The following RBPMS variants were observed in gnomAD, a reference collection of about 807,000 sequenced individuals.
RBPMS encodes the protein RNA-binding protein with multiple splicing.
In RBPMS, 7 loss-of-function variants were observed where a neutral mutation model predicts 26.8. That is an observed-to-expected ratio of 0.26 (90% CI 0.15 to 0.49). The LOEUF (loss-of-function observed/expected upper bound fraction) is 0.49. RBPMS is among the 20% of genes least tolerant of loss of function. RBPMS has a pLI of 0.98. For synonymous variants in RBPMS, 96 were observed against 93.3 expected (o/e 1.03, Z -0.17); for missense variants, 186 against 250.0 (o/e 0.74, Z 1.73).
chr8:30,386,825 C>A (rs567343391), intron 1 of RBPMS, among the ~76,000 whole-genome samples: 1 of 152,218 alleles, frequency 6.6e-6, no homozygotes, highest in South Asian at 2.1e-4. Context: ...TTATATGAAA[C>A]CATCTTTCTT....
At chr8:30,387,765 C>T (rs1807283990) in intron 1 of RBPMS, among the ~76,000 whole-genome samples, 2 of 152,130 alleles carry the variant, frequency 1.3e-5, no homozygotes, top group African/African-American at 4.8e-5. Context: ...TTGTTTTTTT[C>T]TGTGTTTCTA....
intron 6 of RBPMS, among the ~76,000 whole-genome samples, chr8:30,551,111 G>A (rs1014231459): frequency 6.6e-6 from 1 of 152,132 alleles, no homozygotes; most frequent in African/African-American, 2.4e-5. Context: ...CAGGAAACCC[G>A]AGAATCTGCC....
intron 4 of RBPMS, among the ~76,000 whole-genome samples, chr8:30,489,816 T>C (rs1203873379): frequency 6.6e-6 from 1 of 151,894 alleles, no homozygotes; most frequent in Non-Finnish European, 1.5e-5. Context: ...TTGTTTTGTT[T>C]TGTTTTGTTT....
rs1456548932 is a variant in RBPMS at position 30,384,973 on chromosome 8, C to CAGCCCGCGGCGCCCGCCCGAGGG, written c.-114_-92dup. On this transcript the variant is annotated 5_prime_UTR_variant, in exon 1 of 9. Coordinates refer to ENST00000397323, the MANE Select transcript of RBPMS (RefSeq NM_001008710.3). This position sits in a 1 kb window ranked among gnomAD's most constrained non-coding sequence, Gnocchi z 5.6. ...TGCCCCGGCTCCAGCTCCAGCCCCA[C>CAGCCCGCGGCGCCCGCCCGAGGG]AGCCCGCGGCGCCCGCCCGAGGGAG... 3.1e-6 allele frequency: 2 copies of CAGCCCGCGGCGCCCGCCCGAGGG among 638,726 alleles called. No homozygotes were observed. Among genetic ancestry groups the CAGCCCGCGGCGCCCGCCCGAGGG allele is most frequent in the East Asian group, 7.6e-5 (2 of 26,278 alleles). 39.6% of individuals were successfully genotyped at this position (638,726 alleles called of 1,614,324 possible). A position where few individuals can be genotyped will look rare whatever the true frequency, so the allele number is the denominator to read the frequency against.
intron 5 of RBPMS, among the ~76,000 whole-genome samples, chr8:30,516,651 T>A (rs977040927): frequency 3.9e-5 from 6 of 152,182 alleles, no homozygotes; most frequent in South Asian, 2.1e-4. Context: ...TAAACAAAAA[T>A]TTTTTAATAC....
At chr8:30,488,357 G>A (rs527856747) in intron 4 of RBPMS, among the ~76,000 whole-genome samples, 1 of 152,276 alleles carries the variant, frequency 6.6e-6, no homozygotes, top group South Asian at 2.1e-4. Context: ...TCTGTATAAT[G>A]TCTCACAGAA....
At chr8:30,553,185 G>A (rs1422310386) in intron 6 of RBPMS, 5 of 152,270 alleles carry the variant, frequency 3.3e-5, no homozygotes, top group Admixed American at 2.6e-4. Flanking sequence ...TGAGTCTGCT[G>A]AGAAAGAGTA....
intron 1 of RBPMS, among the ~76,000 whole-genome samples, chr8:30,419,870 C>T (rs1248892306): frequency 6.6e-6 from 1 of 152,136 alleles, no homozygotes; most frequent in Non-Finnish European, 1.5e-5. Flanking sequence ...CCATTCTTGA[C>T]AGCAATGAAA....
intron 4 of RBPMS, among the ~76,000 whole-genome samples, chr8:30,498,553 A>G (rs1296776093): frequency 6.6e-6 from 1 of 152,242 alleles, no homozygotes; most frequent in African/African-American, 2.4e-5. Context: ...ACCACACTGA[A>G]GGTGGGGGGA....
At chr8:30,518,946 T>C (rs770199038) in intron 5 of RBPMS, among the ~76,000 whole-genome samples, 19 of 151,912 alleles carry the variant, frequency 1.3e-4, no homozygotes, top group Non-Finnish European at 2.1e-4. Flanking sequence ...CCCAAAAGCC[T>C]GAATTTAGTT....
At chr8:30,530,845 C>T (rs1419440488) in intron 5 of RBPMS, among the ~76,000 whole-genome samples, 3 of 152,172 alleles carry the variant, frequency 2.0e-5, no homozygotes, top group Non-Finnish European at 2.9e-5. Context: ...TATTCCTCCT[C>T]CTCCTCCTCT....
chr8:30,540,634 A>G (rs1825287716), intron 5 of RBPMS, among the ~76,000 whole-genome samples: 4 of 152,112 alleles, frequency 2.6e-5, no homozygotes, highest in African/African-American at 7.2e-5. Context: ...ATGTTGCCCA[A>G]GCTTGTCTCA....
At chr8:30,475,908 GGTGGGAGGAA>G (rs1246754066) in intron 2 of RBPMS, among the ~76,000 whole-genome samples, 1 of 152,202 alleles carries the variant, frequency 6.6e-6, no homozygotes, top group East Asian at 1.9e-4. Flanking sequence ...TGCCAGGTCA[GGTGGGAGGAA>G]GTGGGAAAGG....
chr8:30,471,430 A>G (rs1210791718), intron 1 of RBPMS, among the ~76,000 whole-genome samples: 1 of 152,162 alleles, frequency 6.6e-6, no homozygotes, highest in Non-Finnish European at 1.5e-5. Context: ...TTTATTTTCT[A>G]GGTTAACTCC....
intron 4 of RBPMS, among the ~76,000 whole-genome samples, chr8:30,498,942 G>A (rs1053435241): frequency 3.3e-5 from 5 of 152,130 alleles, no homozygotes; most frequent in African/African-American, 7.2e-5. Flanking sequence ...CAGAGAAGTA[G>A]ATCTGAATGT....
chr8:30,389,772 GA>G (rs1227701955), intron 1 of RBPMS, among the ~76,000 whole-genome samples: 1 of 151,998 alleles, frequency 6.6e-6, no homozygotes, highest in African/African-American at 2.4e-5. Flanking sequence ...TTTTTAAAGA[GA>G]AAAATACATG....
Position 30,479,393 on chromosome 8 carries a change from G to T in RBPMS, c.246+16G>T. Reference sequence around the variant, plus strand: ...TGCTTTGAATGTAAGTACTAATGATGTAATTGTAGGGGGTTTCCATATGAG... The same window carrying T: ...TGCTTTGAATGTAAGTACTAATGATTTAATTGTAGGGGGTTTCCATATGAG... On this transcript the variant is annotated intron_variant, in intron 4 of 8. Transcript: ENST00000397323. 3 of 1,569,724 alleles carry T rather than the reference G, an allele frequency of 1.9e-6. No homozygotes were observed. The highest frequency in any genetic ancestry group is 1.4e-5 in the African/African-American group (1 of 73,376).
At chr8:30,547,822 G>A (rs1358303254) in intron 6 of RBPMS, among the ~76,000 whole-genome samples, 1 of 152,242 alleles carries the variant, frequency 6.6e-6, no homozygotes, top group African/African-American at 2.4e-5. Context: ...TGTGAAACGT[G>A]TGGGTGCAGT....
chr8:30,563,633 A>T (rs1827673469), intron 7 of RBPMS, among the ~76,000 whole-genome samples: 1 of 152,174 alleles, frequency 6.6e-6, no homozygotes, highest in Non-Finnish European at 1.5e-5. Context: ...AGAGAACGTG[A>T]CGGAATTTGG....
Sources: allele counts gnomAD v4.1 joint callset (sites outside exome capture counted in the v4.1 genomes callset), GRCh38; gene constraint gnomAD v4.1.1; non-coding constraint Gnocchi (gnomAD v3.1); transcripts MANE v1.5; gene names NCBI Gene and HGNC (gene_info 2026-07-23, HGNC 2026-07-21).